PCLO: variants seen among roughly 807,000 people sequenced by gnomAD.
PCLO encodes piccolo presynaptic cytomatrix protein, also known as protein piccolo.
In PCLO, 82 loss-of-function variants were observed where a neutral mutation model predicts 427.5. That is an observed-to-expected ratio of 0.19 (90% CI 0.16 to 0.23). The LOEUF (loss-of-function observed/expected upper bound fraction) is 0.23, where lower values mean the gene tolerates loss of function less well. PCLO is among the 10% of genes least tolerant of loss of function. The pLI, the probability that PCLO is intolerant of heterozygous loss-of-function variation, is 1.00. For missense variants in PCLO, 6,239 were observed against 6,115.9 expected (o/e 1.02, Z -0.67); for synonymous variants, 2,357 against 2,155.4 (o/e 1.09, Z -2.59).
intron 3 of PCLO, among the ~76,000 whole-genome samples, chr7:83,092,946 C>CAAAAAAAAAAAAAAAAAAAAA (rs10684707): frequency 1.1e-5 from 1 of 89,658 alleles, no homozygotes; most frequent in Non-Finnish European, 2.2e-5. Flanking sequence ...GACTCTGTCT[C>CAAAAAAAAAAAAAAAAAAAAA]AAAAAAAAAA....
At chr7:82,900,049 C>A (rs1471228854) in intron 9 of PCLO, among the ~76,000 whole-genome samples, 1 of 151,496 alleles carries the variant, frequency 6.6e-6, no homozygotes, top group East Asian at 1.9e-4. Flanking sequence ...ACAACAAGAG[C>A]CCTTGGATTT....
At chr7:83,127,689 C>G (rs892606089) in intron 3 of PCLO, among the ~76,000 whole-genome samples, 1 of 152,050 alleles carries the variant, frequency 6.6e-6, no homozygotes, top group Admixed American at 6.6e-5. Context: ...ACTTCAACAG[C>G]TGAACATTTC....
chr7:83,051,454 T>C (rs1789253389), intron 3 of PCLO, among the ~76,000 whole-genome samples: 1 of 152,170 alleles, frequency 6.6e-6, no homozygotes, highest in South Asian at 2.1e-4. Context: ...ATACCATTTA[T>C]ATTAGTACCA....
intron 3 of PCLO, among the ~76,000 whole-genome samples, chr7:83,021,397 C>A (rs138092560): frequency 1.2e-3 from 184 of 152,228 alleles, no homozygotes; most frequent in Non-Finnish European, 2.1e-3. Context: ...TTCTGATTTT[C>A]CCATTTATTG....
chr7:83,089,023 T>C (rs930654198), intron 3 of PCLO, among the ~76,000 whole-genome samples: 1 of 152,150 alleles, frequency 6.6e-6, no homozygotes, highest in South Asian at 2.1e-4. Flanking sequence ...TATCACATAC[T>C]TGGAGACATA....
intron 6 of PCLO, among the ~76,000 whole-genome samples, chr7:82,936,049 C>T (rs1794946492): frequency 6.6e-6 from 1 of 151,644 alleles, no homozygotes; most frequent in South Asian, 2.1e-4. Context: ...AAATATAGAA[C>T]TTGAACAACA....
At chr7:82,923,140 T>C (rs1287772292) in intron 6 of PCLO, among the ~76,000 whole-genome samples, 4 of 152,008 alleles carry the variant, frequency 2.6e-5, no homozygotes, top group Admixed American at 1.3e-4. Flanking sequence ...TGTATATGTA[T>C]TGGGAACTGG....
At chr7:83,094,402 T>G (rs11531626) in intron 3 of PCLO, among the ~76,000 whole-genome samples, 69,392 of 151,450 alleles carry the variant, frequency 0.46, 16,305 homozygotes, top group East Asian at 0.71. Flanking sequence ...AGAGATGGGA[T>G]TTCACCATGT....
intron 3 of PCLO, among the ~76,000 whole-genome samples, chr7:83,055,964 G>A (rs1156963018): frequency 6.6e-6 from 1 of 152,058 alleles, no homozygotes; most frequent in Non-Finnish European, 1.5e-5. Flanking sequence ...TTAATACATA[G>A]TTTATAGCCA....
At chr7:82,875,685 A>G (rs1012395180) in intron 10 of PCLO, among the ~76,000 whole-genome samples, 2 of 152,148 alleles carry the variant, frequency 1.3e-5, no homozygotes, top group African/African-American at 2.4e-5. Context: ...TTAGACTCTG[A>G]TGTCTTAAAA....
chr7:83,043,417 T>C (rs762902852), intron 3 of PCLO, among the ~76,000 whole-genome samples: 2 of 152,218 alleles, frequency 1.3e-5, no homozygotes, highest in Non-Finnish European at 2.9e-5. Flanking sequence ...ATACATGCAA[T>C]GCATAAGCTC....
At position 82,949,937 on chromosome 7, in the gene PCLO, T is replaced by G. The variant is rs1247417039; in HGVS notation, c.10651A>C (p.Lys3551Gln). 4.3e-6 allele frequency: 7 copies of G among 1,613,692 alleles called. No individual in the cohort carries two copies. In the East Asian group the frequency reaches 1.1e-4, roughly 26 times the overall value. Residue 3551 changes from lysine to glutamine, a missense_variant, in exon 6 of 25, where the codon AAA becomes CAA. Lys to Gln is a moderately conservative substitution (Grantham distance 53). Transcript: ENST00000333891. ...GTCTTTTCAGGTGCTGAAATGTGTTTAATTATTTCTACCTTGGCATCCACT... is the reference window on the plus strand; with the variant it reads ...GTCTTTTCAGGTGCTGAAATGTGTTGAATTATTTCTACCTTGGCATCCACT... Reference protein sequence around the residue: ...ARVDAKVEIIKHISAPEKTYK... With the variant: ...ARVDAKVEIIQHISAPEKTYK...
chr7:83,026,171 G>C (rs895990320), intron 3 of PCLO, among the ~76,000 whole-genome samples: 3 of 150,374 alleles, frequency 2.0e-5, no homozygotes, highest in Admixed American at 6.7e-5. Flanking sequence ...AATTGGATAA[G>C]GAGTCAAGAC....
At chr7:83,076,460 AC>A (rs1425699490) in intron 3 of PCLO, among the ~76,000 whole-genome samples, 4 of 151,956 alleles carry the variant, frequency 2.6e-5, no homozygotes, top group Non-Finnish European at 5.9e-5. Flanking sequence ...ACAGAGTTTC[AC>A]CATGTTGGCC....
Position 82,956,373 on chromosome 7 carries a change from C to A in PCLO, c.4580G>T (p.Arg1527Ile). The A allele has an allele frequency of 6.2e-7, 1 of 1,613,428 alleles. No homozygotes were observed. The highest frequency in any genetic ancestry group is 2.2e-5 in the East Asian group (1 of 44,866). Residue 1527 changes from arginine (R) to isoleucine (I), a missense_variant, in exon 5 of 25, where the codon AGA (arginine) becomes ATA (isoleucine). Physicochemically the swap from Arg to Ile is moderately conservative, Grantham distance 97 (BLOSUM62 -3). Around this residue, in one of 5 missense-constraint regions of PCLO, gnomAD observed 4,677 missense variants for 4,468.4 expected, o/e 1.05. Transcript: ENST00000333891. ...TGAGCCAACACTAGTTCTTCGTTTT[C>A]TTTGTGGAACAGGTGAGTTTTCACT... ...SESENSPVPQRKRRTSVGSSS... is the reference protein window; with the variant it reads ...SESENSPVPQIKRRTSVGSSS...
intron 3 of PCLO, among the ~76,000 whole-genome samples, chr7:83,114,286 T>G (rs1791077695): frequency 6.6e-6 from 1 of 152,072 alleles, no homozygotes; most frequent in Non-Finnish European, 1.5e-5. Context: ...ATTGCGATGC[T>G]ATATAAGAGG....
In PCLO at chr7:82,805,777, C is replaced by G. The variant is rs200716996; in HGVS notation, c.14844G>C (p.Ser4948=). 2 of 1,610,062 alleles carry G rather than the reference C, an allele frequency of 1.2e-6. No homozygotes were observed. Among genetic ancestry groups the G allele is most frequent in the Non-Finnish European group, 1.7e-6 (2 of 1,178,112 alleles). The change falls in exon 21 of 25, where the codon TCG becomes TCC. Residue 4948 remains serine, a synonymous_variant. Coordinates refer to ENST00000333891, the MANE Select transcript of PCLO (RefSeq NM_033026.6). ...PAESSVSTGS[S]GSSFGSGYSV... The stretch of plus-strand genomic sequence containing the variant: ...TATACCCACTGCCAAAGCTGCTGCC[C>G]GAGGAGCCGGTGGACACAGAGCTTT...
chr7:82,761,665 C>T (rs1790435438), intron 22 of PCLO, among the ~76,000 whole-genome samples, 172 bp from the exon 23 acceptor site: 1 of 151,898 alleles, frequency 6.6e-6, no homozygotes, highest in Non-Finnish European at 1.5e-5. Flanking sequence ...TATTTATTTA[C>T]AGGTGAATAA....
rs201214922 is a variant in PCLO at position 82,826,699 on chromosome 7, T to A, written c.14344-39A>T. On this transcript the variant is annotated intron_variant, in intron 17 of 24. Coordinates refer to ENST00000333891, the MANE Select transcript of PCLO (RefSeq NM_033026.6). ...ATAGAAATCTAATTAAACCTATCTTTCCATCATACATTTTCATTACACACA... is the reference window on the plus strand; with the variant it reads ...ATAGAAATCTAATTAAACCTATCTTACCATCATACATTTTCATTACACACA... 64 of 1,319,806 alleles carry A rather than the reference T, an allele frequency of 4.8e-5. 1 individual carries two copies. In the East Asian group the frequency reaches 7.4e-4, roughly 15 times the overall value. The allele number at this position is 1,319,806 out of a possible 1,614,324, so 81.8% of individuals were successfully genotyped here.
Sources: gnomAD v4.1 joint callset for allele counts (sites outside exome capture counted in the v4.1 genomes callset) on GRCh38, gnomAD v4.1.1 for gene constraint, gnomAD v4.1.1 regional missense constraint, MANE v1.5 for transcripts, NCBI Gene and HGNC (gene_info 2026-07-23, HGNC 2026-07-21) for gene names.